RIPOR2: variants seen among roughly 807,000 people sequenced by gnomAD.
RIPOR2 encodes rho family-interacting cell polarization regulator 2.
In RIPOR2, 39 loss-of-function variants were observed where a neutral mutation model predicts 114.5. The observed-to-expected ratio is 0.34, with a 90% CI of 0.26 to 0.44. RIPOR2 has a LOEUF of 0.44. Among genes scored for constraint, RIPOR2 ranks in the 20% least tolerant of loss-of-function variants. The probability of loss-of-function intolerance (pLI) is 1.00; values close to 1 mark genes in which losing one functional copy is unlikely to be tolerated. For synonymous variants in RIPOR2, 445 were observed against 484.4 expected, an observed-to-expected ratio of 0.92 and a Z score of 1.07; for missense variants, 1,007 against 1,255.1, an observed-to-expected ratio of 0.80 and a Z score of 2.99.
chr6:24,925,250 CTA>C (rs912234266), intron 1 of RIPOR2, among the ~76,000 whole-genome samples: 1 of 152,202 alleles, frequency 6.6e-6, no homozygotes, highest in African/African-American at 2.4e-5. Context: ...GCATAAACAC[CTA>C]TCTTTCTGGG....
intron 8 of RIPOR2, among the ~76,000 whole-genome samples, chr6:24,859,100 T>C (rs1483766871): frequency 6.6e-6 from 1 of 152,200 alleles, no homozygotes; most frequent in Non-Finnish European, 1.5e-5. Context: ...GTTTCTTGTC[T>C]GACTCCAATT....
At chr6:24,969,477 G>A (rs1284131257) in intron 1 of RIPOR2, among the ~76,000 whole-genome samples, 1 of 152,168 alleles carries the variant, frequency 6.6e-6, no homozygotes, top group African/African-American at 2.4e-5. Flanking sequence ...ACCCAAAGAA[G>A]CTCTTTGACA....
intron 1 of RIPOR2, among the ~76,000 whole-genome samples, chr6:24,899,905 C>T (rs1315425949): frequency 6.6e-6 from 1 of 152,146 alleles, no homozygotes; most frequent in Non-Finnish European, 1.5e-5. Flanking sequence ...AAAAAGTGCC[C>T]ATTTCATTTC....
At position 24,850,603 on chromosome 6, in the gene RIPOR2, G is replaced by C. The variant is rs369456443; in HGVS notation, c.879C>G (p.Ser293=). ...GGCAATGACAATACTGTACCTTGAT[G>C]GAGATGAACCCAACTATCAGGGGCA... ...VFLPLIVGFI[S]IKVTELKGLA... The change falls in exon 10 of 22, where the codon TCC becomes TCG. Residue 293 remains serine, a synonymous_variant. Coordinates refer to ENST00000643898, the MANE Select transcript of RIPOR2 (RefSeq NM_001286445.3). The C allele has an allele frequency of 6.2e-7, 1 of 1,613,790 alleles. No individual in the cohort carries two copies. The highest frequency in any genetic ancestry group is 1.3e-5 in the African/African-American group (1 of 74,922).
At chr6:24,957,191 C>T (rs1043815922) in intron 1 of RIPOR2, among the ~76,000 whole-genome samples, 15 of 145,570 alleles carry the variant, frequency 1.0e-4, no homozygotes, top group African/African-American at 3.7e-4. Context: ...TTAAAAATCT[C>T]TCTTGGGACT....
intron 1 of RIPOR2, among the ~76,000 whole-genome samples, chr6:24,975,212 A>T (rs10946738): frequency 1.3e-5 from 2 of 152,216 alleles, no homozygotes; most frequent in African/African-American, 4.8e-5. Context: ...TGTAAATTTC[A>T]CCAAACTACT....
At position 24,861,289 on chromosome 6, in the gene RIPOR2, T is replaced by C. The variant is rs569017153; in HGVS notation, c.652-253A>G. Among the ~76,000 whole-genome samples the C allele has an allele frequency of 4.2e-4, 64 of 152,272 alleles. No homozygotes were observed. The South Asian group carries it at 7.3e-3, about 17-fold the overall frequency. On this transcript the variant is annotated intron_variant, in intron 7 of 21. Coordinates refer to ENST00000643898, the MANE Select transcript of RIPOR2 (RefSeq NM_001286445.3). ...ATATCAAAAATAGACACATTCAGAA[T>C]GTGGGGTAGTCTATAGGAATTAGCA...
At chr6:24,980,038 T>A (rs559568288) in intron 1 of RIPOR2, among the ~76,000 whole-genome samples, 22 of 152,342 alleles carry the variant, frequency 1.4e-4, no homozygotes, top group Middle Eastern at 6.8e-3. Context: ...GGACAGCCCA[T>A]ACTTACAGAA....
At position 25,031,747 on chromosome 6, in the gene RIPOR2, ATAT is replaced by A. The variant is rs1561855921; in HGVS notation, c.76+10101_76+10103del. 1.3e-3 allele frequency among the ~76,000 whole-genome samples: 93 copies of A among 73,466 alleles called. 4 individuals carry two copies. Among genetic ancestry groups the A allele is most frequent in the South Asian group, 2.4e-3 (5 of 2,122 alleles). 48.2% of individuals were successfully genotyped at this position (73,466 alleles called of 152,430 possible). ...TATATATATATATATATATATATAT[ATAT>A]AAAATATCCATAGAATATATATATA... On this transcript the variant is annotated intron_variant, in intron 1 of 13. Coordinates refer to the RIPOR2 transcript ENST00000510784.
intron 1 of RIPOR2, among the ~76,000 whole-genome samples, chr6:24,894,212 T>C (rs748844401): frequency 2.2e-4 from 34 of 152,256 alleles, no homozygotes; most frequent in Non-Finnish European, 3.5e-4. Context: ...CAATATTTCA[T>C]GTTTGCAGAC....
intron 1 of RIPOR2, among the ~76,000 whole-genome samples, chr6:24,904,306 T>C (rs1768753279): frequency 6.6e-6 from 1 of 152,228 alleles, no homozygotes; most frequent in East Asian, 1.9e-4. Flanking sequence ...CCTTGCCCTT[T>C]CTAGCTTCTA....
intron 1 of RIPOR2, chr6:24,977,067 C>G: frequency 7.6e-7 from 1 of 1,317,420 alleles, no homozygotes; most frequent in Non-Finnish European, 1.1e-6. Flanking sequence ...CTTGCAGTAT[C>G]CCAGTATCTT....
chr6:24,904,068 C>T (rs979256583), intron 1 of RIPOR2, among the ~76,000 whole-genome samples: 2 of 152,186 alleles, frequency 1.3e-5, no homozygotes, highest in South Asian at 2.1e-4. Flanking sequence ...TTGGGGTCTC[C>T]GTCAAATGCA....
chr6:24,909,135 G>C (rs539042204), intron 1 of RIPOR2, among the ~76,000 whole-genome samples: 1 of 152,180 alleles, frequency 6.6e-6, no homozygotes, highest in Non-Finnish European at 1.5e-5. Context: ...CTTCCTGGGG[G>C]AAAGGACACA....
At position 24,858,394 on chromosome 6, in the gene RIPOR2, G is replaced by C. The variant is rs1763702646; in HGVS notation, c.715+2579C>G. ...GTGTGGCACGAGGAAGTTAGTGGTT[G>C]CCAGGTCTGAGAGTATTGTGAAATA... On this transcript the variant is annotated intron_variant, in intron 8 of 21. Transcript: ENST00000643898. This position sits in a 1 kb window ranked among gnomAD's most constrained non-coding sequence, Gnocchi z 4.0. 6.6e-6 allele frequency among the ~76,000 whole-genome samples: 1 copy of C among 152,196 alleles called. No individual in the cohort carries two copies. The highest frequency in any genetic ancestry group is 1.5e-5 in the Non-Finnish European group (1 of 68,022).
chr6:24,985,220 A>T (rs1342753010), intron 1 of RIPOR2, among the ~76,000 whole-genome samples: 2 of 152,170 alleles, frequency 1.3e-5, no homozygotes, highest in African/African-American at 2.4e-5. Flanking sequence ...TAGAAAGGCA[A>T]TTTTGGTGGG....
At chr6:24,846,293 T>C (rs1471231404) in intron 12 of RIPOR2, among the ~76,000 whole-genome samples, 1 of 148,330 alleles carries the variant, frequency 6.7e-6, no homozygotes, top group African/African-American at 2.5e-5. Flanking sequence ...CTGGTCCTTT[T>C]CACCTGCCTT....
intron 4 of RIPOR2, 55 bp downstream of exon 4, chr6:24,872,826 A>G: frequency 2.5e-6 from 3 of 1,180,948 alleles, no homozygotes; most frequent in South Asian, 1.2e-5. Flanking sequence ...CAGTAAAAGA[A>G]GCTATTTGGC....
In RIPOR2 at chr6:24,872,877, C is replaced by G. The variant is rs1765339638; in HGVS notation, c.423+4G>C. On this transcript the variant is annotated splice_donor_region_variant and intron_variant, in intron 4 of 21. Transcript: ENST00000643898. The stretch of plus-strand genomic sequence containing the variant: ...TAACATCATAATGACTGCATAGTAC[C>G]TACCAGGCGAGAGTTTCTTTTCATA... 4.4e-6 allele frequency: 7 copies of G among 1,593,434 alleles called. No homozygotes were observed. The highest frequency in any genetic ancestry group is 6.0e-6 in the Non-Finnish European group (7 of 1,162,610).
Sources: allele counts gnomAD v4.1 joint callset (sites outside exome capture counted in the v4.1 genomes callset), GRCh38; gene constraint gnomAD v4.1.1; non-coding constraint Gnocchi (gnomAD v3.1); transcripts MANE v1.5; gene names NCBI Gene and HGNC (gene_info 2026-07-23, HGNC 2026-07-21).